LDLRAD4: variants seen among roughly 807,000 people sequenced by gnomAD.
LDLRAD4 encodes the protein low-density lipoprotein receptor class A domain-containing protein 4.
A neutral mutation model predicts 17.0 loss-of-function variants in LDLRAD4; 5 were observed. The ratio of observed to expected loss-of-function variants is 0.29; its 90% CI spans 0.15 to 0.62. The LOEUF is 0.62. LDLRAD4 is among the 20% of genes least tolerant of loss of function. LDLRAD4 has a pLI of 0.84. For missense variants in LDLRAD4, 340 were observed against 424.7 expected, an observed-to-expected ratio of 0.80 and a Z score of 1.75; for synonymous variants, 168 against 171.8, an observed-to-expected ratio of 0.98 and a Z score of 0.17.
chr18:13,226,075 C>T (rs1292943416), intron 1 of LDLRAD4, among the ~76,000 whole-genome samples: 5 of 150,476 alleles, frequency 3.3e-5, no homozygotes, highest in Non-Finnish European at 7.4e-5. Context: ...GGCTGGAGTG[C>T]AGTGGTGTGA....
chr18:13,441,430 G>A (rs918819980), intron 3 of LDLRAD4, among the ~76,000 whole-genome samples: 1 of 152,208 alleles, frequency 6.6e-6, no homozygotes, highest in Non-Finnish European at 1.5e-5. Context: ...CTTCAGAAAG[G>A]CGATGCCTCA....
At chr18:13,289,792 G>A (rs759870319) in intron 1 of LDLRAD4, among the ~76,000 whole-genome samples, 1 of 152,198 alleles carries the variant, frequency 6.6e-6, no homozygotes, top group Non-Finnish European at 1.5e-5. Flanking sequence ...CCTTCTTGCT[G>A]AAGTTGGGTG....
At chr18:13,359,541 G>C (rs1325201123) in intron 1 of LDLRAD4, among the ~76,000 whole-genome samples, 1 of 151,926 alleles carries the variant, frequency 6.6e-6, no homozygotes, top group Non-Finnish European at 1.5e-5. Flanking sequence ...GTTCTTACCT[G>C]CTAACTCCAA....
chr18:13,251,276 A>C (rs536176775), intron 1 of LDLRAD4, among the ~76,000 whole-genome samples: 1 of 152,226 alleles, frequency 6.6e-6, no homozygotes, highest in Non-Finnish European at 1.5e-5. Context: ...ACATCGTACT[A>C]AATGGGGAAA....
intron 2 of LDLRAD4, among the ~76,000 whole-genome samples, chr18:13,429,789 C>T (rs936985905): frequency 3.0e-4 from 46 of 152,334 alleles, no homozygotes; most frequent in African/African-American, 1.1e-3. Flanking sequence ...ACGCAGCTCC[C>T]GCTTCTGCCG....
chr18:13,536,522 T>C (rs566299622), intron 3 of LDLRAD4, among the ~76,000 whole-genome samples: 1 of 152,342 alleles, frequency 6.6e-6, no homozygotes, highest in African/African-American at 2.4e-5. Context: ...TTGTGTATTC[T>C]CTAGACTTTT....
At chr18:13,494,911 G>C (rs566231566) in intron 3 of LDLRAD4, among the ~76,000 whole-genome samples, 2 of 151,102 alleles carry the variant, frequency 1.3e-5, no homozygotes, top group East Asian at 3.9e-4. Flanking sequence ...TGTTACACTA[G>C]TGAGAGGGAA....
chr18:13,604,712 T>C (rs1243804465), intron 3 of LDLRAD4, among the ~76,000 whole-genome samples: 1 of 152,180 alleles, frequency 6.6e-6, no homozygotes, highest in African/African-American at 2.4e-5. Flanking sequence ...AGTAACTACA[T>C]CAAGCATTTT....
At chr18:13,497,944 A>G (rs1205211695) in intron 3 of LDLRAD4, among the ~76,000 whole-genome samples, 1 of 151,324 alleles carries the variant, frequency 6.6e-6, no homozygotes, top group Non-Finnish European at 1.5e-5. Flanking sequence ...ACACTGGAGA[A>G]TCCTTCTCGC....
At chr18:13,486,135 G>A (rs909032427) in intron 3 of LDLRAD4, among the ~76,000 whole-genome samples, 9 of 152,142 alleles carry the variant, frequency 5.9e-5, no homozygotes, top group Non-Finnish European at 1.3e-4. Flanking sequence ...CTAGAAACTG[G>A]ATTTTAACCC....
At chr18:13,536,973 C>T (rs2094209229) in intron 3 of LDLRAD4, among the ~76,000 whole-genome samples, 1 of 151,946 alleles carries the variant, frequency 6.6e-6, no homozygotes, top group South Asian at 2.1e-4. Context: ...GGGATAAATC[C>T]CATTTGGCCA....
At chr18:13,546,681 G>A (rs1023102000) in intron 3 of LDLRAD4, among the ~76,000 whole-genome samples, 2 of 152,144 alleles carry the variant, frequency 1.3e-5, no homozygotes, top group South Asian at 4.1e-4. Flanking sequence ...AGTAGTCCGT[G>A]TGTGCAGGGA....
At chr18:13,306,853 A>G (rs898085286) in intron 1 of LDLRAD4, among the ~76,000 whole-genome samples, 7 of 152,100 alleles carry the variant, frequency 4.6e-5, no homozygotes, top group African/African-American at 1.5e-4. Flanking sequence ...GGGGGAAGGA[A>G]GGATTTCAAG....
chr18:13,250,866 C>T (rs1212823858), intron 1 of LDLRAD4, among the ~76,000 whole-genome samples: 3 of 152,202 alleles, frequency 2.0e-5, no homozygotes, highest in African/African-American at 7.2e-5. Context: ...GATAATTCTT[C>T]CTGACTTATT....
At chr18:13,595,695 T>C (rs2095087246) in intron 3 of LDLRAD4, among the ~76,000 whole-genome samples, 1 of 152,176 alleles carries the variant, frequency 6.6e-6, no homozygotes, top group African/African-American at 2.4e-5. Flanking sequence ...TGCTTACATA[T>C]TTGTCAATTT....
chr18:13,505,459 T>C (rs1341815070), intron 3 of LDLRAD4, among the ~76,000 whole-genome samples: 2 of 152,214 alleles, frequency 1.3e-5, no homozygotes, highest in African/African-American at 4.8e-5. Context: ...CCATCAATTG[T>C]AAATGCATAG....
At chr18:13,276,652 C>T (rs2044886636), upstream of LDLRAD4, among the ~76,000 whole-genome samples, 1 of 152,226 alleles carries the variant, frequency 6.6e-6, no homozygotes, top group African/African-American at 2.4e-5. Flanking sequence ...CCAAGTGGCC[C>T]CTCACAGGCC....
chr18:13,295,694 G>A (rs2046233147), intron 1 of LDLRAD4, among the ~76,000 whole-genome samples: 1 of 152,194 alleles, frequency 6.6e-6, no homozygotes, highest in Non-Finnish European at 1.5e-5. Flanking sequence ...GTTTTTCAGG[G>A]AATACATATT....
intron 3 of LDLRAD4, among the ~76,000 whole-genome samples, chr18:13,590,372 T>A (rs1336234514): frequency 6.6e-6 from 1 of 151,912 alleles, no homozygotes; most frequent in Non-Finnish European, 1.5e-5. Context: ...TATGTGCACG[T>A]GTTGTGTGTG....
Sources: allele counts gnomAD v4.1 joint callset (sites outside exome capture counted in the v4.1 genomes callset), GRCh38; gene constraint gnomAD v4.1.1; transcripts MANE v1.5; gene names NCBI Gene and HGNC (gene_info 2026-07-23, HGNC 2026-07-21).